Variants in MAP10 observed in about 807,000 individuals in gnomAD.
MAP10 encodes microtubule-associated protein 10.
MAP10 carries 10 observed loss-of-function variants against 6.3 expected under a neutral mutation model. The observed-to-expected ratio is 1.58, with a 90% CI of 0.98 to 2.69. The LOEUF (loss-of-function observed/expected upper bound fraction) is 2.69, where lower values mean the gene tolerates loss of function less well. Among genes scored for constraint, MAP10 ranks in the 30% most tolerant of loss-of-function variants. MAP10 has a pLI of 0.00. For missense variants in MAP10, 1,189 were observed against 1,086.5 expected (o/e 1.09, Z -1.33); for synonymous variants, 459 against 429.3 (o/e 1.07, Z -0.86).
rs1480787247 is a variant in MAP10 at position 232,806,845 on chromosome 1, A to G, written c.1396A>G (p.Lys466Glu). 3.1e-6 allele frequency: 5 copies of G among 1,612,918 alleles called. No individual in the cohort carries two copies. In the Admixed American group the frequency reaches 6.7e-5, roughly 22 times the overall value. ...GCEKSVSLQY[K>E]KNQIENYKED... is the part of the protein sequence containing the mutation. ...TGAAAAGTCAGTGAGTCTTCAGTAT[A>G]AAAAGAACCAAATTGAAAACTATAA... is the stretch of plus-strand genomic sequence containing the variant. Residue 466 changes from lysine (K) to glutamate (E), a missense_variant, in exon 1 of 1, where the codon AAA becomes GAA. Transcript: ENST00000418460.
Position 232,805,427 on chromosome 1 carries a change from C to T in MAP10, c.-23C>T. 4 of 1,612,626 alleles carry T rather than the reference C, an allele frequency of 2.5e-6. No individual in the cohort carries two copies. Among genetic ancestry groups the T allele is most frequent in the Non-Finnish European group, 3.4e-6 (4 of 1,179,524 alleles). On this transcript the variant is annotated 5_prime_UTR_variant, in exon 1 of 1. Coordinates refer to ENST00000418460, the MANE Select transcript of MAP10 (RefSeq NM_019090.3). ...AGCTTCTCGTTTGCGGAGCCCGCGG[C>T]GGCGTTTCCTGGGGCAACAGCAATG...
Position 232,807,443 on chromosome 1 carries a change from A to G in MAP10, c.1994A>G (p.Asp665Gly). Residue 665 changes from aspartate (D) to glycine (G), a missense_variant, in exon 1 of 1, where the codon GAT (aspartate) becomes GGT (glycine). By Grantham distance (94) the Asp-to-Gly change is moderately conservative. Coordinates refer to ENST00000418460, the MANE Select transcript of MAP10 (RefSeq NM_019090.3). ...VVDRIVDKEI[D>G]IRQVKTTDND... The stretch of plus-strand genomic sequence containing the variant: ...GACAGAATTGTAGATAAGGAAATAG[A>G]TATTAGACAGGTCAAAACCACAGAT... The G allele has an allele frequency of 1.2e-6, 2 of 1,613,790 alleles. No individual in the cohort carries two copies. Among genetic ancestry groups the G allele is most frequent in the South Asian group, 1.1e-5 (1 of 91,062 alleles).
Position 232,806,801 on chromosome 1 carries a change from A to G in MAP10, c.1352A>G (p.Lys451Arg). The G allele has an allele frequency of 6.2e-7, 1 of 1,613,676 alleles. No homozygotes were observed. The highest frequency in any genetic ancestry group is 8.5e-7 in the Non-Finnish European group (1 of 1,179,820). ...TGCCGGTCTGAAGCCAAGAAGGATAAGCGTTCTGTGGGGGGATGTGAAAAG... is the reference window on the plus strand; with the variant it reads ...TGCCGGTCTGAAGCCAAGAAGGATAGGCGTTCTGTGGGGGGATGTGAAAAG... The part of the protein sequence containing the change: ...STCRSEAKKD[K>R]RSVGGCEKSV... The change falls in exon 1 of 1, where the codon AAG becomes AGG. Residue 451 changes from lysine to arginine, a missense_variant. Physicochemically the swap from Lys to Arg is conservative, Grantham distance 26. Coordinates refer to ENST00000418460, the MANE Select transcript of MAP10 (RefSeq NM_019090.3).
In MAP10 at chr1:232,806,103, G is replaced by A. The variant is rs1282888690; in HGVS notation, c.654G>A (p.Leu218=). The part of the protein sequence containing the change: ...SPQTQQERQQ[L]QQPASQPSPK... ...AAACCCAGCAGGAAAGACAGCAGCTGCAGCAGCCAGCCTCACAGCCAAGCC... is the reference window on the plus strand; with the variant it reads ...AAACCCAGCAGGAAAGACAGCAGCTACAGCAGCCAGCCTCACAGCCAAGCC... Residue 218 remains leucine, a synonymous_variant, in exon 1 of 1, where the codon CTG becomes CTA. Transcript: ENST00000418460. The A allele has an allele frequency of 1.9e-6, 3 of 1,613,876 alleles. No homozygotes were observed. The highest frequency in any genetic ancestry group is 2.5e-6 in the Non-Finnish European group (3 of 1,179,882).
chr1:232,809,518 T>C lies in MAP10; in HGVS notation c.*1351T>C, dbSNP rs1332336419. Among the ~76,000 whole-genome samples, 1 of 152,084 alleles carries C rather than the reference T, an allele frequency of 6.6e-6. No homozygotes were observed. The highest frequency in any genetic ancestry group is 1.5e-5 in the Non-Finnish European group (1 of 67,932). The stretch of plus-strand genomic sequence containing the variant: ...CTTGAATAGAATGATCCACTCATGC[T>C]ACAGAGTGGTAGAAAGGACATTTGT... On this transcript the variant is annotated 3_prime_UTR_variant, in exon 1 of 1. Transcript: ENST00000418460.
At position 232,805,470 on chromosome 1, in the gene MAP10, G is replaced by T; in HGVS notation, c.21G>T (p.Glu7Asp). 1 of 1,599,480 alleles carries T rather than the reference G, an allele frequency of 6.3e-7. No individual in the cohort carries two copies. The change falls in exon 1 of 1, where the codon GAG (glutamate) becomes GAT (aspartate). Residue 7 changes from glutamate to aspartate, a missense_variant. Glu to Asp is a conservative substitution (Grantham distance 45). Coordinates refer to ENST00000418460, the MANE Select transcript of MAP10 (RefSeq NM_019090.3). ...CAGCAATGGCGGCCTCGCTGTCCGA[G>T]CGGCTCTTCTCGCTGGAGCTGCTGG... MAASLSERLFSLELLVD... is the reference protein window; with the variant it reads MAASLSDRLFSLELLVD...
At position 232,807,796 on chromosome 1, in the gene MAP10, A is replaced by T; in HGVS notation, c.2347A>T (p.Thr783Ser). ...ATACAGAAAATTTCATATTTCAAAG[A>T]CTCAGGATAAAAGTTTGGAGGAAGC... ...HSYRKFHISK[T>S]QDKSLEEASS... Residue 783 changes from threonine (T) to serine (S), a missense_variant, in exon 1 of 1, where the codon ACT (threonine) becomes TCT (serine). By Grantham distance (58) the Thr-to-Ser change is moderately conservative (BLOSUM62 1). Transcript: ENST00000418460. The T allele has an allele frequency of 1.9e-6, 3 of 1,613,276 alleles. No homozygotes were observed. Among genetic ancestry groups the T allele is most frequent in the Non-Finnish European group, 2.5e-6 (3 of 1,179,682 alleles).
Position 232,808,399 on chromosome 1 carries a change from C to A in MAP10, c.*232C>A. ...TTTAATCATAAGAATAAAAGTGTGT[C>A]TTTCTAAATTGTCTCTCTTAAAGTG... is the stretch of plus-strand genomic sequence containing the variant. On this transcript the variant is annotated 3_prime_UTR_variant, in exon 1 of 1. Coordinates refer to ENST00000418460, the MANE Select transcript of MAP10 (RefSeq NM_019090.3). 2.8e-6 allele frequency: 1 copy of A among 357,544 alleles called. No homozygotes were observed. The highest frequency in any genetic ancestry group is 7.2e-5 in the South Asian group (1 of 13,816). The allele number at this position is 357,544 out of a possible 1,614,324, so 22.1% of individuals were successfully genotyped here. A position where few individuals can be genotyped will look rare whatever the true frequency, so the allele number is the denominator to read the frequency against.
rs773006490 is a variant in MAP10 at position 232,805,744 on chromosome 1, C to T, written c.295C>T (p.Leu99=). Residue 99 remains leucine (L), a synonymous_variant, in exon 1 of 1, where the codon CTG becomes TTG. Coordinates refer to ENST00000418460, the MANE Select transcript of MAP10 (RefSeq NM_019090.3). ...FGRGKSCLFR[L]QPATLHCRLL... is the part of the protein sequence containing the mutation. ...TCGCGGCAAGTCCTGCCTCTTCCGC[C>T]TGCAGCCTGCTACCCTGCACTGCCG... The T allele has an allele frequency of 1.2e-6, 2 of 1,605,080 alleles. No individual in the cohort carries two copies. Among genetic ancestry groups the T allele is most frequent in the Non-Finnish European group, 1.7e-6 (2 of 1,179,088 alleles).
Position 232,805,744 on chromosome 1 carries a change from C to G in MAP10, c.295C>G (p.Leu99Val), listed in dbSNP as rs773006490. Residue 99 changes from leucine to valine, a missense_variant, in exon 1 of 1, where the codon CTG (leucine) becomes GTG (valine). Coordinates refer to ENST00000418460, the MANE Select transcript of MAP10 (RefSeq NM_019090.3). ...FGRGKSCLFR[L>V]QPATLHCRLL... is the part of the protein sequence containing the mutation. ...TCGCGGCAAGTCCTGCCTCTTCCGC[C>G]TGCAGCCTGCTACCCTGCACTGCCG... 1.2e-6 allele frequency: 2 copies of G among 1,604,962 alleles called. No homozygotes were observed. The highest frequency in any genetic ancestry group is 3.3e-5 in the Admixed American group (2 of 59,854).
Position 232,805,577 on chromosome 1 carries a change from A to G in MAP10, c.128A>G (p.Glu43Gly). 1 of 1,556,480 alleles carries G rather than the reference A, an allele frequency of 6.4e-7. No homozygotes were observed. The highest frequency in any genetic ancestry group is 8.7e-7 in the Non-Finnish European group (1 of 1,151,596). ...CAGGAGGAGGAAGAGGAGGAAAAGG[A>G]GCAGGGGGAGGCCTCGTCGCCGCGC... The part of the protein sequence containing the change: ...VEQEEEEEEK[E>G]QGEASSPRGL... Residue 43 changes from glutamate (E) to glycine (G), a missense_variant, in exon 1 of 1, where the codon GAG (glutamate) becomes GGG (glycine). Transcript: ENST00000418460.
chr1:232,807,614 G>A lies in MAP10; in HGVS notation c.2165G>A (p.Ser722Asn). Reference protein sequence around the residue: ...DFCTSEDTSRSFKAHDSSSRT... With the variant: ...DFCTSEDTSRNFKAHDSSSRT... ...TGTACCAGTGAGGACACCAGCAGAA[G>A]TTTCAAAGCTCATGATAGCAGTTCA... Residue 722 changes from serine to asparagine, a missense_variant, in exon 1 of 1, where the codon AGT becomes AAT. Physicochemically the swap from Ser to Asn is conservative, Grantham distance 46 (BLOSUM62 1). Coordinates refer to ENST00000418460, the MANE Select transcript of MAP10 (RefSeq NM_019090.3). 1 of 1,609,918 alleles carries A rather than the reference G, an allele frequency of 6.2e-7. No individual in the cohort carries two copies.
At chr1:232,807,970 G>T in the MAP10 span, 4 of 1,612,624 alleles carry the variant, frequency 2.5e-6, no homozygotes, top group Non-Finnish European at 3.4e-6. Context: ...GAAATCTTTA[G>T]AAAAAAGCCA....
At position 232,807,605 on chromosome 1, in the gene MAP10, C is replaced by T. The variant is rs770139294; in HGVS notation, c.2156C>T (p.Thr719Ile). Residue 719 changes from threonine (T) to isoleucine (I), a missense_variant, in exon 1 of 1, where the codon ACC becomes ATC. Coordinates refer to ENST00000418460, the MANE Select transcript of MAP10 (RefSeq NM_019090.3). ...GAAGATTTCTGTACCAGTGAGGACACCAGCAGAAGTTTCAAAGCTCATGAT... is the reference window on the plus strand; with the variant it reads ...GAAGATTTCTGTACCAGTGAGGACATCAGCAGAAGTTTCAAAGCTCATGAT... ...YSEDFCTSED[T>I]SRSFKAHDSS... The T allele has an allele frequency of 4.2e-5, 68 of 1,609,718 alleles. No homozygotes were observed. The Middle Eastern group carries it at 6.6e-4, about 16-fold the overall frequency.
chr1:232,807,887 A>G lies in MAP10; in HGVS notation c.2438A>G (p.Asp813Gly). 1 of 1,613,736 alleles carries G rather than the reference A, an allele frequency of 6.2e-7. No homozygotes were observed. The highest frequency in any genetic ancestry group is 8.5e-7 in the Non-Finnish European group (1 of 1,179,764). The change falls in exon 1 of 1, where the codon GAT becomes GGT. Residue 813 changes from aspartate to glycine, a missense_variant. By Grantham distance (94) the Asp-to-Gly change is moderately conservative (BLOSUM62 -1). Transcript: ENST00000418460. ...ACTGAACAAAAAGAAAACCAGATAG[A>G]TCAAAATAGTATGCACAATTCTGAA... ...HWTEQKENQI[D>G]QNSMHNSEIT...
chr1:232,808,131 AT>A, the MAP10 span: 1 of 1,581,294 alleles, frequency 6.3e-7, no homozygotes, highest in African/African-American at 1.3e-5. Context: ...ATATTTGTGA[AT>A]TAGTAATAAA....
In MAP10 at chr1:232,807,226, A is replaced by G. The variant is rs748223877; in HGVS notation, c.1777A>G (p.Lys593Glu). ...FDEPSTSKET[K>E]LKYATEKKTV... ...TGAGCCCAGCACAAGTAAAGAAACT[A>G]AACTGAAATATGCAACTGAAAAAAA... Residue 593 changes from lysine (K) to glutamate (E), a missense_variant, in exon 1 of 1, where the codon AAA becomes GAA. Lys to Glu is a moderately conservative substitution (Grantham distance 56, BLOSUM62 1). Transcript: ENST00000418460. The G allele has an allele frequency of 2.5e-6, 4 of 1,613,534 alleles. No homozygotes were observed. In the African/African-American group the frequency reaches 4.0e-5, roughly 16 times the overall value.
rs1228769686 is a variant in MAP10 at position 232,807,227 on chromosome 1, A to T, written c.1778A>T (p.Lys593Ile). Residue 593 changes from lysine (K) to isoleucine (I), a missense_variant, in exon 1 of 1, where the codon AAA (lysine) becomes ATA (isoleucine). Transcript: ENST00000418460. ...FDEPSTSKET[K>I]LKYATEKKTV... ...GAGCCCAGCACAAGTAAAGAAACTA[A>T]ACTGAAATATGCAACTGAAAAAAAG... 1 of 1,613,538 alleles carries T rather than the reference A, an allele frequency of 6.2e-7. No homozygotes were observed. Among genetic ancestry groups the T allele is most frequent in the African/African-American group, 1.3e-5 (1 of 74,914 alleles).
At chr1:232,807,997 C>T in the MAP10 span, 1 of 1,613,542 alleles carries the variant, frequency 6.2e-7, no homozygotes, top group South Asian at 1.1e-5. Flanking sequence ...ACAAACATCC[C>T]AGGTGAGTTC....
Sources: gnomAD v4.1 joint callset for allele counts (sites outside exome capture counted in the v4.1 genomes callset) on GRCh38, gnomAD v4.1.1 for gene constraint, MANE v1.5 for transcripts, NCBI Gene and HGNC (gene_info 2026-07-23, HGNC 2026-07-21) for gene names.